Variants in PLGRKT observed in about 807,000 individuals in gnomAD.
PLGRKT encodes plasminogen receptor with a C-terminal lysine, also known as plasminogen receptor (KT).
Under a neutral mutation model 18.5 loss-of-function variants are expected in PLGRKT, and 22 were observed. That is an observed-to-expected ratio of 1.19 (90% CI 0.85 to 1.70). PLGRKT has a LOEUF of 1.70. Among genes scored for constraint, PLGRKT ranks in the 40% most tolerant of loss-of-function variants. PLGRKT has a pLI of 0.00. For synonymous variants in PLGRKT, 72 were observed against 52.8 expected (o/e 1.36, Z -1.58); for missense variants, 235 against 174.4 (o/e 1.35, Z -1.96).
Position 5,378,752 on chromosome 9 carries a change from CA to C in PLGRKT, c.82-16865del, listed in dbSNP as rs959662502. Among the ~76,000 whole-genome samples, 469 of 150,134 alleles carry C rather than the reference CA, an allele frequency of 3.1e-3. 3 individuals carry two copies. The highest frequency in any genetic ancestry group is 9.9e-3 in the African/African-American group (405 of 40,990). On this transcript the variant is annotated intron_variant, in intron 3 of 5. Coordinates refer to ENST00000223864, the MANE Select transcript of PLGRKT (RefSeq NM_018465.4). ...ACATGAAGCAAAACTGTTGGGAATA[CA>C]AAAAAAAATTACAAATTATAAATAA... is the stretch of plus-strand genomic sequence containing the variant.
chr9:5,428,407 C>G (rs577636242), intron 3 of PLGRKT, among the ~76,000 whole-genome samples: 3 of 152,240 alleles, frequency 2.0e-5, no homozygotes, highest in African/African-American at 7.2e-5. Context: ...TCTACTTGGT[C>G]TCAGGGAAGG....
At chr9:5,431,351 T>G (rs1457167885) in intron 3 of PLGRKT, among the ~76,000 whole-genome samples, 1 of 151,966 alleles carries the variant, frequency 6.6e-6, no homozygotes, top group African/African-American at 2.4e-5. Flanking sequence ...CTGGCCAACA[T>G]GGTGAAACCT....
At chr9:5,411,315 G>A (rs1189937100) in intron 3 of PLGRKT, among the ~76,000 whole-genome samples, 1 of 151,234 alleles carries the variant, frequency 6.6e-6, no homozygotes, top group African/African-American at 2.4e-5. Context: ...AACCTGGGAG[G>A]CAGAGGTTGC....
intron 3 of PLGRKT, among the ~76,000 whole-genome samples, chr9:5,425,932 C>A (rs1173066473): frequency 6.6e-6 from 1 of 152,106 alleles, no homozygotes; most frequent in Non-Finnish European, 1.5e-5. Flanking sequence ...TGCTTTATTT[C>A]TTCTATTTAT....
intron 3 of PLGRKT, among the ~76,000 whole-genome samples, chr9:5,431,526 T>G (rs1403397521): frequency 9.7e-6 from 1 of 102,602 alleles, no homozygotes. Context: ...ACAGTGAGAC[T>G]CTCTCAAAAA....
chr9:5,426,100 C>T (rs139521035), intron 3 of PLGRKT, among the ~76,000 whole-genome samples: 21 of 152,244 alleles, frequency 1.4e-4, no homozygotes, highest in African/African-American at 4.3e-4. Context: ...TAGTCAAGTC[C>T]ATGCCATTTT....
chr9:5,410,085 AG>A (rs1414972983), intron 3 of PLGRKT, among the ~76,000 whole-genome samples: 1 of 152,258 alleles, frequency 6.6e-6, no homozygotes, highest in African/African-American at 2.4e-5. Flanking sequence ...TATTTTTAAA[AG>A]CAAGAAAAAT....
At chr9:5,402,894 T>C (rs185009879) in intron 3 of PLGRKT, among the ~76,000 whole-genome samples, 1 of 151,970 alleles carries the variant, frequency 6.6e-6, no homozygotes, top group East Asian at 1.9e-4. Context: ...ATACTAAGTA[T>C]TGAAACAGAA....
chr9:5,419,949 T>C (rs1818542958), intron 3 of PLGRKT, among the ~76,000 whole-genome samples: 1 of 152,214 alleles, frequency 6.6e-6, no homozygotes, highest in African/African-American at 2.4e-5. Flanking sequence ...CTATACACAA[T>C]ATCCAAAAGG....
chr9:5,376,027 A>G (rs568852265), intron 3 of PLGRKT, among the ~76,000 whole-genome samples: 1 of 152,344 alleles, frequency 6.6e-6, no homozygotes, highest in South Asian at 2.1e-4. Context: ...CATAAAAAGG[A>G]AGGAAATTCT....
chr9:5,416,871 T>C (rs976290007), intron 3 of PLGRKT, among the ~76,000 whole-genome samples: 7 of 152,238 alleles, frequency 4.6e-5, no homozygotes, highest in Admixed American at 1.3e-4. Flanking sequence ...CTTTATTAAC[T>C]GTTCTACTTT....
chr9:5,365,656 T>C (rs2131064469), intron 3 of PLGRKT, among the ~76,000 whole-genome samples: 2 of 152,272 alleles, frequency 1.3e-5, no homozygotes, highest in East Asian at 1.9e-4. Flanking sequence ...GACAAACAAA[T>C]GAAATCTGAA....
chr9:5,396,747 C>G (rs978808423), intron 3 of PLGRKT, among the ~76,000 whole-genome samples: 3 of 151,964 alleles, frequency 2.0e-5, no homozygotes, highest in Non-Finnish European at 2.9e-5. Flanking sequence ...GTTTTCTCTT[C>G]TAGCTAGTCT....
At chr9:5,424,570 T>C (rs1376388413) in intron 3 of PLGRKT, among the ~76,000 whole-genome samples, 1 of 132,724 alleles carries the variant, frequency 7.5e-6, no homozygotes, top group African/African-American at 2.9e-5. Flanking sequence ...TACAATATAA[T>C]ATATATTACT....
chr9:5,383,307 C>T (rs1040579320), intron 3 of PLGRKT, among the ~76,000 whole-genome samples: 1 of 152,210 alleles, frequency 6.6e-6, no homozygotes, highest in Admixed American at 6.5e-5. Flanking sequence ...TAATCATCTT[C>T]AGTTGTTTAA....
intron 3 of PLGRKT, among the ~76,000 whole-genome samples, chr9:5,372,314 G>A (rs1036290884): frequency 1.3e-5 from 2 of 151,976 alleles, no homozygotes; most frequent in African/African-American, 4.8e-5. Context: ...ATAATAATGT[G>A]GCTCACCATG....
At chr9:5,372,815 G>C (rs1396950643) in intron 3 of PLGRKT, among the ~76,000 whole-genome samples, 3 of 152,150 alleles carry the variant, frequency 2.0e-5, no homozygotes, top group Non-Finnish European at 4.4e-5. Context: ...CTGTTGTATA[G>C]GCAGGCATGC....
intron 3 of PLGRKT, among the ~76,000 whole-genome samples, chr9:5,397,683 T>C (rs967569512): frequency 6.6e-6 from 1 of 151,116 alleles, no homozygotes; most frequent in Non-Finnish European, 1.5e-5. Context: ...GGCATCTGCC[T>C]AAACACATGC....
chr9:5,411,925 AAC>A (rs761742455), intron 3 of PLGRKT, among the ~76,000 whole-genome samples: 13 of 152,224 alleles, frequency 8.5e-5, no homozygotes, highest in Non-Finnish European at 1.3e-4. Flanking sequence ...GAAAAATATC[AAC>A]AGACTATTTT....
Sources: allele counts gnomAD v4.1 joint callset (sites outside exome capture counted in the v4.1 genomes callset), GRCh38; gene constraint gnomAD v4.1.1; transcripts MANE v1.5; gene names NCBI Gene and HGNC (gene_info 2026-07-23, HGNC 2026-07-21).